The following PGAP6 variants were observed in gnomAD, a reference collection of about 807,000 sequenced individuals.
The protein encoded by PGAP6 is post-GPI attachment to proteins 6.
In PGAP6, 62 loss-of-function variants were observed where a neutral mutation model predicts 68.4. The observed-to-expected ratio is 0.91, with a 90% confidence interval of 0.74 to 1.12. PGAP6 has a LOEUF of 1.12. Ranked by LOEUF, PGAP6 falls within the 50% of genes most tolerant of loss-of-function variation. The pLI is 0.00. For missense variants in PGAP6, 1,188 were observed against 1,068.5 expected (o/e 1.11, Z -1.56); for synonymous variants, 575 against 474.0 (o/e 1.21, Z -2.77).
chr16:376,747 C>A lies in PGAP6; in HGVS notation c.701G>T (p.Ser234Ile). 1.2e-6 allele frequency: 2 copies of A among 1,611,452 alleles called. No individual in the cohort carries two copies. The highest frequency in any genetic ancestry group is 1.7e-6 in the Non-Finnish European group (2 of 1,179,902). Residue 234 changes from serine (S) to isoleucine (I), a missense_variant, in exon 5 of 13, where the codon AGC (serine) becomes ATC (isoleucine). Coordinates refer to ENST00000431232, the MANE Select transcript of PGAP6 (RefSeq NM_021259.3). ...GGTGAGACGCACGGGGCAGCCCAGG[C>A]TCCCATTGGACACGCAGTCCCGCAG... ...LELRDCVSNGSLGCPVRLTVG... is the reference protein window; with the variant it reads ...LELRDCVSNGILGCPVRLTVG...
rs1226491152 is a variant in PGAP6 at position 371,791 on chromosome 16, G to A, written c.*196C>T. 2 of 596,140 alleles carry A rather than the reference G, an allele frequency of 3.4e-6. No homozygotes were observed. Among genetic ancestry groups the A allele is most frequent in the East Asian group, 5.8e-5 (2 of 34,612 alleles). The allele number at this position is 596,140 out of a possible 1,614,324, so 36.9% of individuals were successfully genotyped here. The stretch of plus-strand genomic sequence containing the variant: ...TGGGATCTGCAGAGGGATCTCAGCA[G>A]CGAGCAGGCAGCTGGCGAGGAGAGG... On this transcript the variant is annotated 3_prime_UTR_variant, in exon 13 of 13. Transcript: ENST00000431232.
upstream of PGAP6, chr16:386,562 C>T (rs1370752128): frequency 6.1e-6 from 2 of 329,470 alleles, no homozygotes; most frequent in Non-Finnish European, 1.1e-5. Flanking sequence ...AACCACACCA[C>T]AGGTGCCCAG....
intron 1 of PGAP6, 133 bp from the exon 2 acceptor site, chr16:377,981 G>T: frequency 1.3e-6 from 1 of 767,218 alleles, no homozygotes; most frequent in Non-Finnish European, 2.1e-6. Flanking sequence ...CACCAACTCT[G>T]ACCTTGGCAA....
rs369282459 is a variant in PGAP6, at chr16:374,095, G to A, written c.1812C>T (p.Asp604=). 6.2e-7 allele frequency: 1 copy of A among 1,611,904 alleles called. No individual in the cohort carries two copies. Among genetic ancestry groups the A allele is most frequent in the Non-Finnish European group, 8.5e-7 (1 of 1,179,960 alleles). The stretch of plus-strand genomic sequence containing the variant: ...CCAAGAAGTCGCAGTACTGCAGCGT[G>A]TCGTAGCTGAGGATGCACAGCACCG... ...GEAVLCILSY[D]TLQYCDFLGS... The change falls in exon 11 of 13, where the codon GAC becomes GAT. Residue 604 remains aspartate (D), a synonymous_variant. Coordinates refer to ENST00000431232, the MANE Select transcript of PGAP6 (RefSeq NM_021259.3).
intron 11 of PGAP6, among the ~76,000 whole-genome samples, chr16:373,367 T>C (rs1289458299): frequency 6.6e-6 from 1 of 151,508 alleles, no homozygotes; most frequent in African/African-American, 2.4e-5. Context: ...CCACAGAGAG[T>C]CCCCAAAGCA....
intron 12 of PGAP6, 43 bp from the exon 13 acceptor site, chr16:372,326 C>A (rs111738186): frequency 6.4e-7 from 1 of 1,567,018 alleles, no homozygotes; most frequent in Non-Finnish European, 8.6e-7. Flanking sequence ...GGTGGGGCCG[C>A]GGCTGCAGCT....
chr16:384,855 CAAAA>C (rs559192580), upstream of PGAP6, among the ~76,000 whole-genome samples: 1 of 110,186 alleles, frequency 9.1e-6, no homozygotes, highest in African/African-American at 3.7e-5. Flanking sequence ...GACTCCATCT[CAAAA>C]AAAAAAAAAA....
At chr16:378,022 A>T (rs558985280) in intron 1 of PGAP6, among the ~76,000 whole-genome samples, 174 bp from the exon 2 acceptor site, 2 of 151,240 alleles carry the variant, frequency 1.3e-5, no homozygotes, top group Admixed American at 6.6e-5. Flanking sequence ...CCCCTCAGCC[A>T]GATCCTCTGC....
upstream of PGAP6, among the ~76,000 whole-genome samples, chr16:383,994 C>G (rs543171936): frequency 2.0e-5 from 3 of 152,188 alleles, no homozygotes; most frequent in Non-Finnish European, 4.4e-5. Flanking sequence ...CCAGCTGGGC[C>G]GTCCTCAGCC....
chr16:385,034 C>T (rs189760928), upstream of PGAP6, among the ~76,000 whole-genome samples: 57 of 151,212 alleles, frequency 3.8e-4, 1 homozygote, highest in South Asian at 1.5e-3. Context: ...GGCATGGTGA[C>T]ATGAGCCTGT....
chr16:378,731 C>T (rs995678804), intron 1 of PGAP6, among the ~76,000 whole-genome samples: 7 of 152,208 alleles, frequency 4.6e-5, no homozygotes, highest in Non-Finnish European at 8.8e-5. Flanking sequence ...ACTTTGGACA[C>T]GGCGAGACCG....
At position 381,780 on chromosome 16, in the gene PGAP6, G is replaced by A. The variant is rs865878113; in HGVS notation, c.42C>T (p.Ala14=). 5 of 1,181,666 alleles carry A rather than the reference G, an allele frequency of 4.2e-6. No homozygotes were observed. Among genetic ancestry groups the A allele is most frequent in the African/African-American group, 1.6e-5 (1 of 62,098 alleles). 73.2% of individuals were successfully genotyped at this position (1,181,666 alleles called of 1,614,324 possible). A position where few individuals can be genotyped will look rare whatever the true frequency, so the allele number is the denominator to read the frequency against. Residue 14 remains alanine, a synonymous_variant, in exon 1 of 13, where the codon GCC becomes GCT. Transcript: ENST00000431232. ...AGTGTGGEAV[A]AVVAGPLLLL... ...GCAGCAGCGGCCCCGCCACCACCGC[G>A]GCCACCGCCTCGCCCCCGGTCCCGG...
At position 374,203 on chromosome 16, in the gene PGAP6, C is replaced by A; in HGVS notation, c.1755+18G>T. The stretch of plus-strand genomic sequence containing the variant: ...CCTGCCCTCCCACCCCACATCCCTG[C>A]AGGAGGGGCCAGCCTACCGTGGAGA... On this transcript the variant is annotated intron_variant, in intron 10 of 12. Coordinates refer to ENST00000431232, the MANE Select transcript of PGAP6 (RefSeq NM_021259.3). 1.2e-6 allele frequency: 2 copies of A among 1,610,450 alleles called. No homozygotes were observed. Among genetic ancestry groups the A allele is most frequent in the Non-Finnish European group, 1.7e-6 (2 of 1,179,740 alleles).
chr16:382,481 C>T (rs370753722), upstream of PGAP6: 3 of 370,020 alleles, frequency 8.1e-6, no homozygotes, highest in African/African-American at 6.3e-5. Context: ...GCTGCAGGTG[C>T]GTGTCAGATC....
intron 1 of PGAP6, among the ~76,000 whole-genome samples, chr16:378,782 GGGA>G (rs1233213636): frequency 1.3e-5 from 2 of 152,230 alleles, no homozygotes; most frequent in African/African-American, 4.8e-5. Flanking sequence ...TACTGCATGT[GGGA>G]GGGACCCAGG....
chr16:372,750 T>C (rs781260511), intron 11 of PGAP6, 23 bp from the exon 12 acceptor site: 10 of 1,559,870 alleles, frequency 6.4e-6, no homozygotes, highest in Non-Finnish European at 7.9e-6. Context: ...CAGGGATGAC[T>C]GCAGGGACGT....
Position 371,813 on chromosome 16 carries a change from G to A in PGAP6, c.*174C>T, listed in dbSNP as rs1440694981. 2 of 638,112 alleles carry A rather than the reference G, an allele frequency of 3.1e-6. No homozygotes were observed. The highest frequency in any genetic ancestry group is 3.0e-5 in the Admixed American group (1 of 33,762). 39.5% of individuals were successfully genotyped at this position (638,112 alleles called of 1,614,324 possible). On this transcript the variant is annotated 3_prime_UTR_variant, in exon 13 of 13. Coordinates refer to ENST00000431232, the MANE Select transcript of PGAP6 (RefSeq NM_021259.3). Reference sequence around the variant, plus strand: ...GCAGCGAGCAGGCAGCTGGCGAGGAGAGGTGCGTGTGAGGGAGGGGTGGCC... The same window carrying A: ...GCAGCGAGCAGGCAGCTGGCGAGGAAAGGTGCGTGTGAGGGAGGGGTGGCC...
intron 1 of PGAP6, 46 bp downstream of exon 1, chr16:381,655 C>T: frequency 1.7e-6 from 2 of 1,176,234 alleles, no homozygotes; most frequent in Non-Finnish European, 2.1e-6. Flanking sequence ...GCCCCGCCCG[C>T]AGCCCCGGCC....
chr16:377,879 G>A (rs534317440), intron 1 of PGAP6, 31 bp from the exon 2 acceptor site: 27 of 1,527,566 alleles, frequency 1.8e-5, no homozygotes, highest in Admixed American at 1.0e-4. Flanking sequence ...CAGCCAGGCC[G>A]GGACCCTCCT....
Sources: gnomAD v4.1 joint callset for allele counts (sites outside exome capture counted in the v4.1 genomes callset) on GRCh38, gnomAD v4.1.1 for gene constraint, MANE v1.5 for transcripts, NCBI Gene and HGNC (gene_info 2026-07-23, HGNC 2026-07-21) for gene names.